The following CYFIP1 variants were observed in gnomAD, a reference collection of about 807,000 sequenced individuals.
The protein encoded by CYFIP1 is cytoplasmic FMR1 interacting protein 1.
Under a neutral mutation model 163.5 loss-of-function variants are expected in CYFIP1, and 58 were observed. The observed-to-expected ratio is 0.35, with a 90% confidence interval of 0.29 to 0.44. The LOEUF (loss-of-function observed/expected upper bound fraction) is 0.44, where lower values mean the gene tolerates loss of function less well. Ranked by LOEUF, CYFIP1 falls within the 20% of genes least tolerant of loss-of-function variation. The probability of loss-of-function intolerance (pLI) is 1.00; values close to 1 mark genes in which losing one functional copy is unlikely to be tolerated. For synonymous variants in CYFIP1, 663 were observed against 660.7 expected (o/e 1.00, Z -0.05); for missense variants, 1,338 against 1,653.8 (o/e 0.81, Z 3.31).
At chr15:22,899,730 G>T (rs2060337849) in intron 22 of CYFIP1, among the ~76,000 whole-genome samples, 1 of 152,150 alleles carries the variant, frequency 6.6e-6, no homozygotes, top group Non-Finnish European at 1.5e-5. Context: ...GCACATGTGG[G>T]CTATGGGTTG....
At chr15:22,979,952 G>C (rs1011341148) in intron 1 of CYFIP1, among the ~76,000 whole-genome samples, 1 of 152,176 alleles carries the variant, frequency 6.6e-6, no homozygotes, top group African/African-American at 2.4e-5. Flanking sequence ...GCCGGGGCGC[G>C]GAATCCGGGA....
chr15:22,930,234 A>G (rs1027850969), intron 11 of CYFIP1, among the ~76,000 whole-genome samples: 1 of 150,900 alleles, frequency 6.6e-6, no homozygotes, highest in Non-Finnish European at 1.5e-5. Context: ...AAAAAAACAC[A>G]CACACAAAAA....
At chr15:22,887,056 G>A (rs1400340250) in intron 23 of CYFIP1, among the ~76,000 whole-genome samples, 1 of 152,142 alleles carries the variant, frequency 6.6e-6, no homozygotes, top group Non-Finnish European at 1.5e-5. Context: ...TTGCTCTGAA[G>A]TTGATTTTAT....
At chr15:22,939,352 G>T in intron 7 of CYFIP1, 32 bp from the exon 8 acceptor site, 1 of 1,614,058 alleles carries the variant, frequency 6.2e-7, no homozygotes, top group Non-Finnish European at 8.5e-7. Context: ...TCATGCATGG[G>T]CCCGGCGCCC....
At chr15:22,970,248 T>C (rs2063045865) in intron 1 of CYFIP1, among the ~76,000 whole-genome samples, 1 of 151,930 alleles carries the variant, frequency 6.6e-6, no homozygotes, top group South Asian at 2.1e-4. Context: ...ATCAAGGAGG[T>C]GAAAGACTTA....
chr15:22,895,566 C>T (rs762834415), intron 22 of CYFIP1, among the ~76,000 whole-genome samples: 4 of 152,214 alleles, frequency 2.6e-5, no homozygotes, highest in Non-Finnish European at 1.5e-5. Flanking sequence ...GAGGCAGTCT[C>T]TACACCCTCA....
intron 11 of CYFIP1, among the ~76,000 whole-genome samples, chr15:22,931,764 T>C (rs1016824761): frequency 7.0e-6 from 1 of 142,348 alleles, no homozygotes; most frequent in Non-Finnish European, 1.5e-5. Context: ...TTGTCAATTA[T>C]AATGGGTGCT....
chr15:22,914,595 C>A, intron 17 of CYFIP1, 131 bp downstream of exon 17: 1 of 894,714 alleles, frequency 1.1e-6, no homozygotes, highest in Admixed American at 3.2e-5. Flanking sequence ...TGGGGTCTTG[C>A]TATTTTGCCC....
At chr15:22,909,854 T>A (rs755020137) in intron 20 of CYFIP1, among the ~76,000 whole-genome samples, 1 of 152,146 alleles carries the variant, frequency 6.6e-6, no homozygotes, top group African/African-American at 2.4e-5. Flanking sequence ...GCACTGTATA[T>A]CTTTAAATTC....
chr15:22,946,698 T>C (rs1361912571), intron 3 of CYFIP1: 5 of 526,538 alleles, frequency 9.5e-6, no homozygotes, highest in Middle Eastern at 2.9e-4. Context: ...AAATCTCATA[T>C]GGGCACATAC....
At chr15:22,964,157 CTT>C (rs56861965) in intron 1 of CYFIP1, among the ~76,000 whole-genome samples, 2 of 134,646 alleles carry the variant, frequency 1.5e-5, no homozygotes, top group Non-Finnish European at 3.1e-5. Flanking sequence ...ACTTCACATA[CTT>C]TTTTTTTTTT....
intron 18 of CYFIP1, among the ~76,000 whole-genome samples, chr15:22,911,582 T>C (rs1401944790): frequency 6.6e-6 from 1 of 152,202 alleles, no homozygotes; most frequent in Admixed American, 6.5e-5. Flanking sequence ...GGAGAATACC[T>C]GTGCTTCGTG....
chr15:22,943,446 C>T (rs527886092), intron 5 of CYFIP1, 92 bp from the exon 6 acceptor site: 179 of 1,340,088 alleles, frequency 1.3e-4, no homozygotes, highest in Non-Finnish European at 1.5e-4. Context: ...CACTGCTCCT[C>T]GATGAGAAAC....
rs2060313326 is a variant in CYFIP1, at chr15:22,898,938, G to A, written c.2588+4768C>T. ...AATTGCTTGAATCCGGGAGGCAGAGGTTGCAGTGAGCCGAGACTGTGCCAC... is the reference window on the plus strand; with the variant it reads ...AATTGCTTGAATCCGGGAGGCAGAGATTGCAGTGAGCCGAGACTGTGCCAC... On this transcript the variant is annotated intron_variant, in intron 22 of 30. Coordinates refer to ENST00000617928, the MANE Select transcript of CYFIP1 (RefSeq NM_014608.6). Among the ~76,000 whole-genome samples the A allele has an allele frequency of 1.3e-5, 2 of 151,848 alleles. 1 individual carries two copies. The highest frequency in any genetic ancestry group is 1.3e-4 in the Admixed American group (2 of 15,222).
At chr15:22,954,445 T>C (rs1164171124) in intron 1 of CYFIP1, among the ~76,000 whole-genome samples, 1 of 152,174 alleles carries the variant, frequency 6.6e-6, no homozygotes, top group African/African-American at 2.4e-5. Context: ...ATTTTGCTGA[T>C]CATGAAAATA....
intron 12 of CYFIP1, among the ~76,000 whole-genome samples, 186 bp from the exon 13 acceptor site, chr15:22,926,293 C>A (rs960621669): frequency 2.6e-5 from 4 of 152,194 alleles, no homozygotes; most frequent in Non-Finnish European, 4.4e-5. Flanking sequence ...GGCCCTGTAA[C>A]CTCTCGTTTA....
intron 5 of CYFIP1, 96 bp from the exon 6 acceptor site, chr15:22,943,450 GAGAAACGATCTGCCC>G: frequency 7.4e-7 from 1 of 1,348,326 alleles, no homozygotes; most frequent in South Asian, 1.4e-5. Flanking sequence ...GCTCCTCGAT[GAGAAACGATCTGCCC>G]AGTGAGGCTC....
chr15:22,881,965 A>T, intron 24 of CYFIP1, 29 bp from the exon 25 acceptor site: 1 of 1,598,824 alleles, frequency 6.3e-7, no homozygotes, highest in Non-Finnish European at 8.5e-7. Context: ...GGGCTGCGTC[A>T]GCCACCCCAC....
chr15:22,965,489 A>G (rs1373847046), intron 1 of CYFIP1, among the ~76,000 whole-genome samples: 5 of 152,210 alleles, frequency 3.3e-5, no homozygotes, highest in Non-Finnish European at 7.3e-5. Flanking sequence ...CACTGCAGTA[A>G]CACACTGCAC....
Sources: gnomAD v4.1 joint callset for allele counts (sites outside exome capture counted in the v4.1 genomes callset) on GRCh38, gnomAD v4.1.1 for gene constraint, MANE v1.5 for transcripts, NCBI Gene and HGNC (gene_info 2026-07-23, HGNC 2026-07-21) for gene names.